Variants in PCNX1 observed in about 807,000 individuals in gnomAD.
PCNX1 encodes pecanex-like protein 1.
PCNX1 carries 78 observed loss-of-function variants against 242.2 expected under a neutral mutation model. The ratio of observed to expected loss-of-function variants is 0.32; its 90% CI spans 0.27 to 0.39. The LOEUF (loss-of-function observed/expected upper bound fraction) is 0.39, where lower values mean the gene tolerates loss of function less well. Among genes scored for constraint, PCNX1 ranks in the 10% least tolerant of loss-of-function variants. PCNX1 has a pLI of 1.00. For missense variants in PCNX1, 2,581 were observed against 2,856.5 expected (o/e 0.90, Z 2.20); for synonymous variants, 1,024 against 1,032.9 (o/e 0.99, Z 0.17).
chr14:70,975,134 CAG>C (rs2058655995), intron 5 of PCNX1, among the ~76,000 whole-genome samples: 1 of 152,068 alleles, frequency 6.6e-6, no homozygotes, highest in East Asian at 1.9e-4. Context: ...ACTACTTGCT[CAG>C]AGTCGATAAG....
chr14:71,013,425 T>C (rs2059875798), intron 11 of PCNX1, among the ~76,000 whole-genome samples: 1 of 152,118 alleles, frequency 6.6e-6, no homozygotes, highest in South Asian at 2.1e-4. Flanking sequence ...ACAAAGAAAT[T>C]AGTTTTGTTA....
chr14:70,982,524 T>G (rs1486461353), intron 6 of PCNX1, among the ~76,000 whole-genome samples: 1 of 152,230 alleles, frequency 6.6e-6, no homozygotes, highest in African/African-American at 2.4e-5. Flanking sequence ...GCTATACTCA[T>G]TGTATATGTG....
At chr14:70,990,353 A>G (rs893713623) in intron 7 of PCNX1, among the ~76,000 whole-genome samples, 1 of 151,964 alleles carries the variant, frequency 6.6e-6, no homozygotes, top group South Asian at 2.1e-4. Context: ...CCTGAGGTCA[A>G]GAGTTTTGAG....
rs555221984 is a variant in PCNX1 at position 71,053,021 on chromosome 14, A to T, written c.4577+1009A>T. On this transcript the variant is annotated intron_variant, in intron 24 of 35. Transcript: ENST00000304743. The stretch of plus-strand genomic sequence containing the variant: ...TCTCCATGACTGCCTTTCTCTCTAT[A>T]CTTTCACAAATTGGCATATTTAATA... Among the ~76,000 whole-genome samples, 5 of 152,286 alleles carry T rather than the reference A, an allele frequency of 3.3e-5. No homozygotes were observed. In the South Asian group the frequency reaches 1.0e-3, roughly 32 times the overall value.
At chr14:70,963,215 C>G (rs975538326) in intron 3 of PCNX1, among the ~76,000 whole-genome samples, 18 of 152,180 alleles carry the variant, frequency 1.2e-4, no homozygotes, top group Non-Finnish European at 2.5e-4. Flanking sequence ...TCTAACTCTT[C>G]TTGTAACTAT....
intron 26 of PCNX1, among the ~76,000 whole-genome samples, chr14:71,067,513 G>A (rs2061478283): frequency 6.6e-6 from 1 of 151,356 alleles, no homozygotes. Flanking sequence ...TTCTTCATTT[G>A]TCTGACTATT....
At chr14:70,988,012 C>T (rs539151437) in intron 6 of PCNX1, among the ~76,000 whole-genome samples, 1 of 152,272 alleles carries the variant, frequency 6.6e-6, no homozygotes, top group South Asian at 2.1e-4. Context: ...AATTAACACA[C>T]TGGTTTTGCA....
chr14:70,992,347 G>A (rs2059190393), intron 7 of PCNX1, among the ~76,000 whole-genome samples: 1 of 152,020 alleles, frequency 6.6e-6, no homozygotes, highest in Non-Finnish European at 1.5e-5. Context: ...AATACAATAA[G>A]GTCATAGTAA....
intron 33 of PCNX1, among the ~76,000 whole-genome samples, chr14:71,106,590 A>G (rs1422162786): frequency 1.3e-5 from 2 of 150,980 alleles, no homozygotes; most frequent in East Asian, 1.9e-4. Context: ...CACCAGTCCT[A>G]TCAACCTTCC....
At position 71,068,398 on chromosome 14, in the gene PCNX1, A is replaced by G. The variant is rs572887509; in HGVS notation, c.4853-5147A>G. Among the ~76,000 whole-genome samples the G allele has an allele frequency of 2.7e-5, 4 of 149,924 alleles. No homozygotes were observed. The South Asian group carries it at 8.4e-4, about 31-fold the overall frequency. On this transcript the variant is annotated intron_variant, in intron 26 of 35. Transcript: ENST00000304743. ...TACATATATGTGTGTATATTTATGT[A>G]TACGTATATATATGTATTTATATGT...
intron 12 of PCNX1, among the ~76,000 whole-genome samples, chr14:71,020,477 C>T (rs188525623): frequency 6.6e-6 from 1 of 152,336 alleles, no homozygotes; most frequent in East Asian, 1.9e-4. Flanking sequence ...GCTGTTCTAA[C>T]TGGCTTGAGA....
At chr14:71,021,658 G>C (rs924484987) in intron 12 of PCNX1, among the ~76,000 whole-genome samples, 52 of 152,086 alleles carry the variant, frequency 3.4e-4, no homozygotes, top group African/African-American at 1.2e-3. Flanking sequence ...GGTTGCTAAT[G>C]ATCATTCTAA....
Position 71,001,924 on chromosome 14 carries a change from G to A in PCNX1, c.2629+5999G>A, listed in dbSNP as rs1346210117. 2.0e-5 allele frequency among the ~76,000 whole-genome samples: 3 copies of A among 152,350 alleles called. No homozygotes were observed. In the East Asian group the frequency reaches 5.8e-4, roughly 29 times the overall value. Reference sequence around the variant, plus strand: ...TTGACATTTTCCAGCAAACAGGAATGAGGAGAAAAGGTCAAGGACATCTAG... The same window carrying A: ...TTGACATTTTCCAGCAAACAGGAATAAGGAGAAAAGGTCAAGGACATCTAG... On this transcript the variant is annotated intron_variant, in intron 8 of 35. Transcript: ENST00000304743.
chr14:70,995,949 G>T, intron 8 of PCNX1, 24 bp downstream of exon 8: 2 of 1,585,188 alleles, frequency 1.3e-6, no homozygotes, highest in South Asian at 1.1e-5. Flanking sequence ...ATGTAATCTT[G>T]ATGATACAAA....
chr14:71,105,135 A>G (rs1366671299), intron 32 of PCNX1, 100 bp from the exon 33 acceptor site: 5 of 836,256 alleles, frequency 6.0e-6, no homozygotes, highest in Admixed American at 2.2e-5. Flanking sequence ...AAAGGTGAAC[A>G]TTAGTAGCAT....
At chr14:71,031,303 C>T (rs1447484776) in intron 16 of PCNX1, among the ~76,000 whole-genome samples, 3 of 152,262 alleles carry the variant, frequency 2.0e-5, no homozygotes, top group East Asian at 1.9e-4. Context: ...ACATCCCTTC[C>T]TAGCACTTGG....
chr14:71,097,007 G>A (rs537464923), intron 30 of PCNX1, among the ~76,000 whole-genome samples: 24 of 151,974 alleles, frequency 1.6e-4, no homozygotes, highest in African/African-American at 5.3e-4. Context: ...TCCCCACCCC[G>A]CACCGGCATC....
At chr14:70,985,027 GTTATC>G (rs887834293) in intron 6 of PCNX1, among the ~76,000 whole-genome samples, 15 of 152,212 alleles carry the variant, frequency 9.9e-5, no homozygotes, top group African/African-American at 3.6e-4. Context: ...AACTTCCTTT[GTTATC>G]TTCAGGAATG....
chr14:71,009,173 A>G (rs1268536502), intron 8 of PCNX1, among the ~76,000 whole-genome samples: 1 of 152,200 alleles, frequency 6.6e-6, no homozygotes, highest in African/African-American at 2.4e-5. Context: ...TTTCTTAGAT[A>G]CACTTGGACA....
Sources: gnomAD v4.1 joint callset for allele counts (sites outside exome capture counted in the v4.1 genomes callset) on GRCh38, gnomAD v4.1.1 for gene constraint, MANE v1.5 for transcripts, NCBI Gene and HGNC (gene_info 2026-07-23, HGNC 2026-07-21) for gene names.